LRP1B: variants seen among roughly 807,000 people sequenced by gnomAD.
The protein encoded by LRP1B is low-density lipoprotein receptor-related protein 1B.
LRP1B carries 217 observed loss-of-function variants against 556.6 expected under a neutral mutation model. The observed-to-expected ratio is 0.39, with a 90% confidence interval of 0.35 to 0.44. The LOEUF is 0.44. LRP1B is among the 20% of genes least tolerant of loss of function. The probability of loss-of-function intolerance (pLI) is 1.00; values close to 1 mark genes in which losing one functional copy is unlikely to be tolerated. For missense variants in LRP1B, 5,053 were observed against 5,620.8 expected (o/e 0.90, Z 3.23); for synonymous variants, 2,047 against 1,865.8 (o/e 1.10, Z -2.50).
chr2:141,313,224 A>G (rs1686879196), intron 3 of LRP1B, among the ~76,000 whole-genome samples: 2 of 152,184 alleles, frequency 1.3e-5, no homozygotes, highest in South Asian at 4.1e-4. Context: ...GAGCAGTAAT[A>G]CTAGATGAAT....
At chr2:141,796,917 T>C (rs1695832108) in intron 2 of LRP1B, among the ~76,000 whole-genome samples, 1 of 151,510 alleles carries the variant, frequency 6.6e-6, no homozygotes, top group South Asian at 2.1e-4. Context: ...ATTAAATATA[T>C]ACACAAAAAA....
chr2:140,934,973 C>A (rs1559203900), intron 20 of LRP1B, among the ~76,000 whole-genome samples: 1 of 152,090 alleles, frequency 6.6e-6, no homozygotes, highest in Non-Finnish European at 1.5e-5. Context: ...TAAGAAAGAC[C>A]TGAAAAGACC....
At chr2:141,433,434 T>C (rs1182077337) in intron 3 of LRP1B, among the ~76,000 whole-genome samples, 1 of 152,068 alleles carries the variant, frequency 6.6e-6, no homozygotes, top group Non-Finnish European at 1.5e-5. Flanking sequence ...ATATCTTTTA[T>C]TTTCTTACGG....
At chr2:140,503,157 A>T (rs1213287746) in intron 53 of LRP1B, 54 bp from the exon 54 acceptor site, 2 of 1,513,270 alleles carry the variant, frequency 1.3e-6, no homozygotes, top group Non-Finnish European at 1.8e-6. Flanking sequence ...ACTAATTGAA[A>T]CGTCATCTCC....
At chr2:141,912,435 T>A (rs1699928539) in intron 1 of LRP1B, among the ~76,000 whole-genome samples, 1 of 152,038 alleles carries the variant, frequency 6.6e-6, no homozygotes, top group African/African-American at 2.4e-5. Context: ...GCAAAAGGGG[T>A]CGAGACCCCT....
At position 141,954,690 on chromosome 2, in the gene LRP1B, T is replaced by C. The variant is rs142128242; in HGVS notation, c.83-144289A>G. Among the ~76,000 whole-genome samples the C allele has an allele frequency of 2.1e-3, 326 of 152,246 alleles. 2 individuals are homozygous for C. Among genetic ancestry groups the C allele is most frequent in the African/African-American group, 7.3e-3 (302 of 41,592 alleles). ...ATTTCCATTTCCTCTTAATATAAAC[T>C]GTGCGTTCATATCTTCAGGTCTTTC... On this transcript the variant is annotated intron_variant, in intron 1 of 90. Transcript: ENST00000389484.
chr2:141,732,209 T>C (rs1208312016), intron 2 of LRP1B, among the ~76,000 whole-genome samples: 1 of 152,152 alleles, frequency 6.6e-6, no homozygotes, highest in Non-Finnish European at 1.5e-5. Flanking sequence ...TTTCAGTAAA[T>C]AGTTGGTAGC....
chr2:141,564,711 C>A (rs551563237), intron 2 of LRP1B, among the ~76,000 whole-genome samples: 2 of 152,042 alleles, frequency 1.3e-5, no homozygotes, highest in East Asian at 1.9e-4. Context: ...ACACAAAGGA[C>A]AAGAGAAATG....
chr2:141,946,089 G>T (rs13031056), intron 1 of LRP1B, among the ~76,000 whole-genome samples: 1 of 151,620 alleles, frequency 6.6e-6, no homozygotes, highest in Non-Finnish European at 1.5e-5. Context: ...CTAGCCCACC[G>T]TTGTGGCTGA....
intron 1 of LRP1B, among the ~76,000 whole-genome samples, chr2:141,852,622 G>A (rs995711498): frequency 6.6e-6 from 1 of 151,562 alleles, no homozygotes; most frequent in Non-Finnish European, 1.5e-5. Context: ...ATAGAACAGA[G>A]CAAAAGTGAG....
chr2:141,264,310 T>C (rs150785834), intron 3 of LRP1B, among the ~76,000 whole-genome samples: 54 of 152,312 alleles, frequency 3.5e-4, no homozygotes, highest in African/African-American at 1.3e-3. Flanking sequence ...TCATTTTGCA[T>C]GTTAATATTT....
At chr2:140,703,604 A>C (rs1313282025) in intron 37 of LRP1B, among the ~76,000 whole-genome samples, 1 of 152,114 alleles carries the variant, frequency 6.6e-6, no homozygotes, top group Non-Finnish European at 1.5e-5. Context: ...AAATTATTGT[A>C]TCTTTTTCTA....
At chr2:141,544,898 T>C (rs935672584) in intron 2 of LRP1B, among the ~76,000 whole-genome samples, 4 of 152,078 alleles carry the variant, frequency 2.6e-5, no homozygotes, top group Non-Finnish European at 4.4e-5. Context: ...ACTCCTGGGC[T>C]CAAGATATCC....
At chr2:141,803,453 T>C (rs1457472933) in intron 2 of LRP1B, among the ~76,000 whole-genome samples, 1 of 151,954 alleles carries the variant, frequency 6.6e-6, no homozygotes, top group Non-Finnish European at 1.5e-5. Flanking sequence ...TTTTGGCCTC[T>C]CTACTGCTGA....
intron 86 of LRP1B, among the ~76,000 whole-genome samples, chr2:140,265,706 G>T (rs1334822522): frequency 1.3e-5 from 2 of 152,016 alleles, no homozygotes; most frequent in Non-Finnish European, 2.9e-5. Context: ...AATGTTTTTA[G>T]ATGAAATAGT....
At chr2:141,496,247 T>C (rs979731320) in intron 2 of LRP1B, among the ~76,000 whole-genome samples, 2 of 151,864 alleles carry the variant, frequency 1.3e-5, no homozygotes, top group African/African-American at 4.8e-5. Context: ...ATTTGGTAAA[T>C]GCCACATTCA....
intron 2 of LRP1B, among the ~76,000 whole-genome samples, chr2:141,588,960 ATGT>A (rs71944766): frequency 0.025 from 3,839 of 152,304 alleles, 88 homozygotes; most frequent in South Asian, 0.067. Context: ...TGCCAGAAAA[ATGT>A]TGTAATATAT....
At chr2:140,452,281 T>C (rs576395276) in intron 62 of LRP1B, among the ~76,000 whole-genome samples, 1 of 152,266 alleles carries the variant, frequency 6.6e-6, no homozygotes, top group South Asian at 2.1e-4. Context: ...GTAAACTAAT[T>C]ATTTTCTCAG....
chr2:141,027,908 C>T, intron 11 of LRP1B, among the ~76,000 whole-genome samples: 1 of 152,042 alleles, frequency 6.6e-6, no homozygotes, highest in East Asian at 1.9e-4. Context: ...GGAAGAGGTC[C>T]CTCACCAGAA....
Sources: gnomAD v4.1 joint callset for allele counts (sites outside exome capture counted in the v4.1 genomes callset) on GRCh38, gnomAD v4.1.1 for gene constraint, MANE v1.5 for transcripts, NCBI Gene and HGNC (gene_info 2026-07-23, HGNC 2026-07-21) for gene names.